The following GALNT5 variants were observed in gnomAD, a reference collection of about 807,000 sequenced individuals.
GALNT5 encodes polypeptide N-acetylgalactosaminyltransferase 5, also known as UDP-GalNAc:polypeptide N-acetylgalactosaminyltransferase 5.
A neutral mutation model predicts 85.4 loss-of-function variants in GALNT5; 72 were observed. The observed-to-expected ratio is 0.84, with a 90% CI of 0.70 to 1.03. The LOEUF (loss-of-function observed/expected upper bound fraction) is 1.03, where lower values mean the gene tolerates loss of function less well. Ranked by LOEUF, GALNT5 falls within the 50% of genes least tolerant of loss-of-function variation. The pLI is 0.00. For missense variants in GALNT5, 1,137 were observed against 1,135.5 expected (o/e 1.00, Z -0.02); for synonymous variants, 404 against 397.0 (o/e 1.02, Z -0.21).
chr2:157,288,478 C>G (rs963333919), intron 3 of GALNT5, among the ~76,000 whole-genome samples: 2 of 152,088 alleles, frequency 1.3e-5, no homozygotes, highest in Non-Finnish European at 2.9e-5. Flanking sequence ...TATTCCCAAG[C>G]AAATGGAACA....
At chr2:157,309,771 A>G (rs1683528382) in intron 9 of GALNT5, among the ~76,000 whole-genome samples, 1 of 152,066 alleles carries the variant, frequency 6.6e-6, no homozygotes, top group South Asian at 2.1e-4. Flanking sequence ...CTCCCATTAG[A>G]TCTTCTCTGT....
At position 157,258,457 on chromosome 2, in the gene GALNT5, G is replaced by A. The variant is rs199750141; in HGVS notation, c.375G>A (p.Pro125=). ...CCCTGGGAAGGGGCAAGGTTGTGCCGTTGTGGCATCCTGCACATCTGCAGA... is the reference window on the plus strand; with the variant it reads ...CCCTGGGAAGGGGCAAGGTTGTGCCATTGTGGCATCCTGCACATCTGCAGA... ...QNALGRGKVV[P]LWHPAHLQTL... is the part of the protein sequence containing the mutation. Residue 125 remains proline (P), a synonymous_variant, in exon 1 of 10, where the codon CCG becomes CCA. Transcript: ENST00000259056. 9.3e-6 allele frequency: 15 copies of A among 1,605,614 alleles called. No individual in the cohort carries two copies. The highest frequency in any genetic ancestry group is 8.1e-5 in the African/African-American group (6 of 74,152).
chr2:157,300,725 G>A lies in GALNT5; in HGVS notation c.2165G>A (p.Gly722Asp). The stretch of plus-strand genomic sequence containing the variant: ...GAGATCATTCCCTGCTCCCGAGTGG[G>A]CCATATATTCAGAAATGACAATCCA... ...EIEIIPCSRV[G>D]HIFRNDNPYS... The change falls in exon 7 of 10, where the codon GGC becomes GAC. Residue 722 changes from glycine (G) to aspartate (D), a missense_variant. Gly to Asp is a moderately conservative substitution (Grantham distance 94). Transcript: ENST00000259056. 1.2e-6 allele frequency: 2 copies of A among 1,613,928 alleles called. No homozygotes were observed. The highest frequency in any genetic ancestry group is 1.7e-6 in the Non-Finnish European group (2 of 1,179,824).
At position 157,312,592 on chromosome 2, in the gene GALNT5, G is replaced by T. The variant is rs561582540; in HGVS notation, c.*1244G>T. The T allele has an allele frequency of 2.6e-5, 4 of 152,206 alleles. No individual in the cohort carries two copies. The highest frequency in any genetic ancestry group is 4.1e-4 in the South Asian group (2 of 4,820). The allele number at this position is 152,206 out of a possible 1,614,324, so 9.4% of individuals were successfully genotyped here. Reference sequence around the variant, plus strand: ...TAATCTTAAGCATACCAATACTTTGGCATACCAGAAGACACCTTAGAAATC... The same window carrying T: ...TAATCTTAAGCATACCAATACTTTGTCATACCAGAAGACACCTTAGAAATC... On this transcript the variant is annotated 3_prime_UTR_variant, in exon 10 of 10. Transcript: ENST00000259056.
At chr2:157,291,129 T>C (rs1258673187) in intron 3 of GALNT5, among the ~76,000 whole-genome samples, 6 of 152,114 alleles carry the variant, frequency 3.9e-5, no homozygotes, top group Admixed American at 3.3e-4. Flanking sequence ...AGGGAAGAAG[T>C]AGATCACCCA....
intron 1 of GALNT5, among the ~76,000 whole-genome samples, chr2:157,260,779 G>C (rs148971212): frequency 6.6e-6 from 1 of 152,136 alleles, no homozygotes; most frequent in Admixed American, 6.5e-5. Context: ...TTGTGATGTC[G>C]GCTACAACCA....
Position 157,258,635 on chromosome 2 carries a change from T to G in GALNT5, c.553T>G (p.Ser185Ala), listed in dbSNP as rs758430009. 1 of 1,613,496 alleles carries G rather than the reference T, an allele frequency of 6.2e-7. No homozygotes were observed. The highest frequency in any genetic ancestry group is 1.3e-5 in the African/African-American group (1 of 74,798). The change falls in exon 1 of 10, where the codon TCA (serine) becomes GCA (alanine). Residue 185 changes from serine to alanine, a missense_variant. Ser to Ala is a moderately conservative substitution (Grantham distance 99, BLOSUM62 1). Transcript: ENST00000259056. ...AAAAGGAACTCAGGTAGTCAAAATA[T>G]CAGTACACATGGGACGTGTCAGTTT... ...AAKGTQVVKI[S>A]VHMGRVSLKQ...
At chr2:157,260,742 T>C (rs941382391) in intron 1 of GALNT5, among the ~76,000 whole-genome samples, 1 of 152,218 alleles carries the variant, frequency 6.6e-6, no homozygotes, top group African/African-American at 2.4e-5. Flanking sequence ...AGAAGCTTTA[T>C]CCACATTAGA....
At chr2:157,288,770 G>A (rs1683029254) in intron 3 of GALNT5, among the ~76,000 whole-genome samples, 1 of 152,142 alleles carries the variant, frequency 6.6e-6, no homozygotes, top group Non-Finnish European at 1.5e-5. Flanking sequence ...ATGGATATTA[G>A]GAAGATGAAA....
At chr2:157,271,628 G>A (rs1207517153) in intron 1 of GALNT5, among the ~76,000 whole-genome samples, 24 of 152,166 alleles carry the variant, frequency 1.6e-4, no homozygotes, top group Admixed American at 1.6e-3. Context: ...AAGTCTAGAT[G>A]AGAATCCATA....
intron 3 of GALNT5, among the ~76,000 whole-genome samples, chr2:157,295,287 T>A (rs1463538467): frequency 2.6e-5 from 4 of 152,192 alleles, no homozygotes; most frequent in African/African-American, 9.7e-5. Context: ...AAACTTGTCA[T>A]CTCAGTCTGT....
chr2:157,284,617 C>T (rs760864607), intron 2 of GALNT5, among the ~76,000 whole-genome samples, 169 bp downstream of exon 2: 10 of 152,170 alleles, frequency 6.6e-5, no homozygotes, highest in South Asian at 2.1e-4. Flanking sequence ...CATCTATGGA[C>T]GTTAAAAGTC....
chr2:157,259,307 C>T lies in GALNT5; in HGVS notation c.1225C>T (p.His409Tyr), dbSNP rs1057115664. The T allele has an allele frequency of 1.3e-6, 2 of 1,598,178 alleles. No homozygotes were observed. Among genetic ancestry groups the T allele is most frequent in the Non-Finnish European group, 1.7e-6 (2 of 1,173,356 alleles). The change falls in exon 1 of 10, where the codon CAT becomes TAT. Residue 409 changes from histidine to tyrosine, a missense_variant. Physicochemically the swap from His to Tyr is moderately conservative, Grantham distance 83 (BLOSUM62 2). Coordinates refer to ENST00000259056, the MANE Select transcript of GALNT5 (RefSeq NM_014568.3). ...CCCCTCTACAGAATACAACCAGAGT[C>T]ATATAAAAGCCCTTTTACCTGAAGA... ...KAPSTEYNQS[H>Y]IKALLPEDSG...
At chr2:157,262,889 G>A (rs1682378061) in intron 1 of GALNT5, among the ~76,000 whole-genome samples, 1 of 135,922 alleles carries the variant, frequency 7.4e-6, no homozygotes, top group Non-Finnish European at 1.5e-5. Context: ...GCGCAGTGGT[G>A]CGATCTCGGC....
chr2:157,280,781 T>A (rs1682839010), intron 1 of GALNT5, among the ~76,000 whole-genome samples: 1 of 152,168 alleles, frequency 6.6e-6, no homozygotes, highest in Admixed American at 6.5e-5. Flanking sequence ...CTATAATGGA[T>A]GACTTAGTGC....
rs755841445 is a variant in GALNT5 at position 157,300,820 on chromosome 2, G to A, written c.2260G>A (p.Asp754Asn). 1.2e-6 allele frequency: 2 copies of A among 1,614,110 alleles called. No individual in the cohort carries two copies. Among genetic ancestry groups the A allele is most frequent in the South Asian group, 1.1e-5 (1 of 91,080 alleles). Reference protein sequence around the residue: ...NLVRVAEVWLDEYKELFYGHG... With the variant: ...NLVRVAEVWLNEYKELFYGHG... ...GGTGCGGGTTGCCGAGGTCTGGCTG[G>A]ATGAGTATAAGGAGCTGTTCTATGG... is the stretch of plus-strand genomic sequence containing the variant. The change falls in exon 7 of 10, where the codon GAT becomes AAT. Residue 754 changes from aspartate to asparagine, a missense_variant. By Grantham distance (23) the Asp-to-Asn change is conservative (BLOSUM62 1). Coordinates refer to ENST00000259056, the MANE Select transcript of GALNT5 (RefSeq NM_014568.3).
intron 3 of GALNT5, among the ~76,000 whole-genome samples, chr2:157,287,969 C>T (rs1285392512): frequency 6.6e-6 from 1 of 152,156 alleles, no homozygotes; most frequent in East Asian, 1.9e-4. Flanking sequence ...TGAGGCTGTG[C>T]CTTATGCAAG....
At position 157,281,930 on chromosome 2, in the gene GALNT5, T is replaced by C. The variant is rs536657979; in HGVS notation, c.1455-2352T>C. Among the ~76,000 whole-genome samples the C allele has an allele frequency of 2.0e-5, 3 of 152,224 alleles. No individual in the cohort carries two copies. In the South Asian group the frequency reaches 6.2e-4, roughly 32 times the overall value. The stretch of plus-strand genomic sequence containing the variant: ...ATCTTCTTTCTGTTCAGAGTACAAA[T>C]GTGAGAGAAAATAGATACATTCAGG... On this transcript the variant is annotated intron_variant, in intron 1 of 9. Coordinates refer to ENST00000259056, the MANE Select transcript of GALNT5 (RefSeq NM_014568.3).
At chr2:157,265,743 T>C (rs1682443797) in intron 1 of GALNT5, among the ~76,000 whole-genome samples, 1 of 152,202 alleles carries the variant, frequency 6.6e-6, no homozygotes. Context: ...ACTTTTTTGC[T>C]CAAGGTTCAG....
Sources: allele counts gnomAD v4.1 joint callset (sites outside exome capture counted in the v4.1 genomes callset), GRCh38; gene constraint gnomAD v4.1.1; transcripts MANE v1.5; gene names NCBI Gene and HGNC (gene_info 2026-07-23, HGNC 2026-07-21).